The following PRRC2C variants were observed in gnomAD, a reference collection of about 807,000 sequenced individuals.
The protein encoded by PRRC2C is protein PRRC2C.
Under a neutral mutation model 317.2 loss-of-function variants are expected in PRRC2C, and 72 were observed. The observed-to-expected ratio is 0.23, with a 90% confidence interval of 0.19 to 0.28. The LOEUF is 0.28. Among genes scored for constraint, PRRC2C ranks in the 10% least tolerant of loss-of-function variants. The pLI, the probability that PRRC2C is intolerant of heterozygous loss-of-function variation, is 1.00. For synonymous variants in PRRC2C, 1,296 were observed against 1,205.9 expected, an observed-to-expected ratio of 1.07 and a Z score of -1.55; for missense variants, 3,074 against 3,459.7, an observed-to-expected ratio of 0.89 and a Z score of 2.80.
At chr1:171,546,345 CTAAGT>C (rs1553230414) in intron 17 of PRRC2C, among the ~76,000 whole-genome samples, 4 of 152,124 alleles carry the variant, frequency 2.6e-5, no homozygotes, top group Non-Finnish European at 5.9e-5. Flanking sequence ...GAGAGATTTA[CTAAGT>C]TAAGACCAGA....
intron 1 of PRRC2C, among the ~76,000 whole-genome samples, chr1:171,497,253 C>T (rs1407245762): frequency 6.6e-6 from 1 of 152,086 alleles, no homozygotes; most frequent in Non-Finnish European, 1.5e-5. Context: ...TTGTTAATTT[C>T]TCAAAATGAA....
intron 17 of PRRC2C, among the ~76,000 whole-genome samples, chr1:171,548,321 A>G (rs755662935): frequency 3.3e-5 from 5 of 152,318 alleles, no homozygotes; most frequent in Non-Finnish European, 4.4e-5. Context: ...CTCTCAGAGT[A>G]TGTTAATGCT....
At chr1:171,570,541 C>G (rs946841208) in intron 23 of PRRC2C, among the ~76,000 whole-genome samples, 1 of 152,160 alleles carries the variant, frequency 6.6e-6, no homozygotes, top group African/African-American at 2.4e-5. Context: ...TCTTAAAACT[C>G]TCAAGCATCC....
chr1:171,574,852 C>A (rs1319446430), intron 24 of PRRC2C, 75 bp from the exon 25 acceptor site: 3 of 1,339,338 alleles, frequency 2.2e-6, no homozygotes, highest in Non-Finnish European at 3.1e-6. Flanking sequence ...CACTTAAATA[C>A]TGATACATGT....
At chr1:171,545,217 C>G (rs1571911578) in intron 16 of PRRC2C, among the ~76,000 whole-genome samples, 1 of 152,148 alleles carries the variant, frequency 6.6e-6, no homozygotes, top group African/African-American at 2.4e-5. Context: ...GACAAATAGA[C>G]TCTAAGAACT....
Position 171,541,624 on chromosome 1 carries a change from A to C in PRRC2C, c.4158A>C (p.Lys1386Asn). 5.0e-6 allele frequency: 8 copies of C among 1,613,772 alleles called. No individual in the cohort carries two copies. The highest frequency in any genetic ancestry group is 6.8e-6 in the Non-Finnish European group (8 of 1,179,870). ...ACCCAAGGCAGTCAGAAGTTCCTAA[A>C]CCAGAAGATGGAGAGCCGCCAAGAA... ...QWNPRQSEVP[K>N]PEDGEPPRRH... The change falls in exon 16 of 35, where the codon AAA (lysine) becomes AAC (asparagine). Residue 1386 changes from lysine to asparagine, a missense_variant. Physicochemically the swap from Lys to Asn is moderately conservative, Grantham distance 94 (BLOSUM62 0). Coordinates refer to ENST00000647382, the MANE Select transcript of PRRC2C (RefSeq NM_001387844.1). The surrounding 1 kb of genome is among the most constrained non-coding windows in gnomAD (Gnocchi z 4.1).
chr1:171,494,412 A>T (rs562046790), intron 1 of PRRC2C, among the ~76,000 whole-genome samples: 1 of 152,276 alleles, frequency 6.6e-6, no homozygotes, highest in Admixed American at 6.5e-5. Flanking sequence ...TTTGTAGTAA[A>T]AGAATTCAAC....
In PRRC2C at chr1:171,539,865, T is replaced by C. The variant is rs981721087; in HGVS notation, c.2505-106T>C. On this transcript the variant is annotated intron_variant, in intron 15 of 34. Coordinates refer to ENST00000647382, the MANE Select transcript of PRRC2C (RefSeq NM_001387844.1). ...TATAGCGAGAGAAAGATTCTCATTA[T>C]GGTTAAGAGTCATTGCTTTCTGTTT... 8.4e-6 allele frequency: 8 copies of C among 954,954 alleles called. No homozygotes were observed. The African/African-American group carries it at 1.2e-4, about 14-fold the overall frequency. The allele number at this position is 954,954 out of a possible 1,614,324, so 59.2% of individuals were successfully genotyped here.
chr1:171,517,802 G>A lies in PRRC2C; in HGVS notation c.738G>A (p.Met246Ile). 1 of 1,612,634 alleles carries A rather than the reference G, an allele frequency of 6.2e-7. No individual in the cohort carries two copies. Among genetic ancestry groups the A allele is most frequent in the African/African-American group, 1.3e-5 (1 of 75,016 alleles). Residue 246 changes from methionine to isoleucine, a missense_variant, in exon 6 of 35, where the codon ATG becomes ATA. Physicochemically the swap from Met to Ile is conservative, Grantham distance 10 (BLOSUM62 1). This residue lies in a region of PRRC2C where 237 missense variants were observed against 199.5 expected (regional missense o/e 1.19). Transcript: ENST00000647382. ...CTCTCGCTTCCCAGTATAGAGCTATGATGCCTCCTTATGTGAGTATTGTTA... is the reference window on the plus strand; with the variant it reads ...CTCTCGCTTCCCAGTATAGAGCTATAATGCCTCCTTATGTGAGTATTGTTA... Reference protein sequence around the residue: ...QAALASQYRAMMPPYMFQQYP... With the variant: ...QAALASQYRAIMPPYMFQQYP...
rs1673154519 is a variant in PRRC2C, at chr1:171,519,565, CCT to C, written c.750+1753_750+1754del. Among the ~76,000 whole-genome samples the C allele has an allele frequency of 2.6e-5, 4 of 152,158 alleles. No individual in the cohort carries two copies. In the South Asian group the frequency reaches 8.3e-4, roughly 32 times the overall value. Reference sequence around the variant, plus strand: ...TATATACTCTGGCACCCACCCCTGCCCTCCCACCACATTTTCTAAATTATTAG... The same window carrying C: ...TATATACTCTGGCACCCACCCCTGCCCCCACCACATTTTCTAAATTATTAG... On this transcript the variant is annotated intron_variant, in intron 6 of 34. Coordinates refer to ENST00000647382, the MANE Select transcript of PRRC2C (RefSeq NM_001387844.1).
intron 6 of PRRC2C, among the ~76,000 whole-genome samples, chr1:171,518,681 TTG>T (rs1672937933): frequency 6.8e-6 from 1 of 147,876 alleles, no homozygotes; most frequent in African/African-American, 2.5e-5. Context: ...TTTTTTTTTT[TTG>T]GTAGAGATGG....
At chr1:171,523,847 C>G (rs1471449214) in intron 9 of PRRC2C, among the ~76,000 whole-genome samples, 1 of 152,048 alleles carries the variant, frequency 6.6e-6, no homozygotes, top group Non-Finnish European at 1.5e-5. Flanking sequence ...ACCAGCTTGG[C>G]CAACATGGTG....
At chr1:171,510,383 G>A (rs1312062413) in intron 1 of PRRC2C, 1 of 152,128 alleles carries the variant, frequency 6.6e-6, no homozygotes, top group Non-Finnish European at 1.5e-5. Flanking sequence ...ACTTAAGCAA[G>A]TTGACTGTTT....
chr1:171,584,049 A>G lies in PRRC2C; in HGVS notation c.7503A>G (p.Gln2501=), dbSNP rs1572144389. 2 of 1,614,030 alleles carry G rather than the reference A, an allele frequency of 1.2e-6. No individual in the cohort carries two copies. Among genetic ancestry groups the G allele is most frequent in the South Asian group, 1.1e-5 (1 of 91,082 alleles). ...AIHNFPTVQH[Q]ELAKAQSGLA... is the part of the protein sequence containing the mutation. ...ACAACTTTCCAACTGTCCAACACCA[A>G]GAACTTGCCAAGGCACAATCCGGTC... is the stretch of plus-strand genomic sequence containing the variant. Residue 2501 remains glutamine (Q), a synonymous_variant, in exon 29 of 35, where the codon CAA becomes CAG. Transcript: ENST00000647382.
intron 20 of PRRC2C, 89 bp downstream of exon 20, chr1:171,561,192 T>G: frequency 1.6e-6 from 2 of 1,254,348 alleles, no homozygotes; most frequent in Non-Finnish European, 2.3e-6. Flanking sequence ...CCTGTAATCC[T>G]AGCGTGGTGG....
chr1:171,591,885 G>GCCCCCC lies in PRRC2C; in HGVS notation c.*38_*39insCCCCCC. 3 of 433,594 alleles carry GCCCCCC rather than the reference G, an allele frequency of 6.9e-6. No individual in the cohort carries two copies. Among genetic ancestry groups the GCCCCCC allele is most frequent in the Non-Finnish European group, 1.3e-5 (3 of 233,616 alleles). The allele number at this position is 433,594 out of a possible 1,614,324, so 26.9% of individuals were successfully genotyped here. A position where few individuals can be genotyped will look rare whatever the true frequency, so the allele number is the denominator to read the frequency against. On this transcript the variant is annotated 3_prime_UTR_variant, in exon 35 of 35. Coordinates refer to ENST00000647382, the MANE Select transcript of PRRC2C (RefSeq NM_001387844.1). Reference sequence around the variant, plus strand: ...ATTGCAGGGGATTGGGAGGGGGGCGGGAAAACATGGAGAATTAAGTCAGAT... The same window carrying GCCCCCC: ...ATTGCAGGGGATTGGGAGGGGGGCGGCCCCCCGAAAACATGGAGAATTAAGTCAGAT...
intron 16 of PRRC2C, among the ~76,000 whole-genome samples, chr1:171,543,443 T>C (rs1678402768): frequency 6.6e-6 from 1 of 152,172 alleles, no homozygotes; most frequent in Non-Finnish European, 1.5e-5. Flanking sequence ...GCTCTAGTAC[T>C]TTCTAGTTGC....
chr1:171,573,547 T>G (rs1386767538), intron 24 of PRRC2C, among the ~76,000 whole-genome samples: 1 of 152,152 alleles, frequency 6.6e-6, no homozygotes, highest in East Asian at 1.9e-4. Flanking sequence ...TTCAGATTTT[T>G]CTCAAATATA....
In PRRC2C at chr1:171,587,698, A is replaced by G; in HGVS notation, c.8019A>G (p.Pro2673=). The change falls in exon 32 of 35, where the codon CCA becomes CCG. Residue 2673 remains proline (P), a synonymous_variant. Coordinates refer to ENST00000647382, the MANE Select transcript of PRRC2C (RefSeq NM_001387844.1). ...KAFGSGIDIK[P]GTPPIAGRST... ...TTGGAAGTGGCATTGATATAAAACC[A>G]GGCACACCTCCAATCGCTGGTAGAA... 1 of 1,613,680 alleles carries G rather than the reference A, an allele frequency of 6.2e-7. No homozygotes were observed. Among genetic ancestry groups the G allele is most frequent in the Non-Finnish European group, 8.5e-7 (1 of 1,179,632 alleles).
Sources: allele counts gnomAD v4.1 joint callset (sites outside exome capture counted in the v4.1 genomes callset), GRCh38; gene constraint gnomAD v4.1.1; regional missense constraint gnomAD v4.1.1; non-coding constraint Gnocchi (gnomAD v3.1); transcripts MANE v1.5; gene names NCBI Gene and HGNC (gene_info 2026-07-23, HGNC 2026-07-21).